Variants in TBC1D5 observed in about 807,000 individuals in gnomAD.
TBC1D5 encodes the protein TBC1 domain family, member 5.
A neutral mutation model predicts 100.3 loss-of-function variants in TBC1D5; 75 were observed. The ratio of observed to expected loss-of-function variants is 0.75; its 90% CI spans 0.62 to 0.91. The LOEUF (loss-of-function observed/expected upper bound fraction) is 0.91, where lower values mean the gene tolerates loss of function less well. Ranked by LOEUF, TBC1D5 falls within the 40% of genes least tolerant of loss-of-function variation. The pLI is 0.00. For missense variants in TBC1D5, 910 were observed against 942.4 expected, an observed-to-expected ratio of 0.97 and a Z score of 0.45; for synonymous variants, 323 against 325.6, an observed-to-expected ratio of 0.99 and a Z score of 0.09.
intron 17 of TBC1D5, among the ~76,000 whole-genome samples, chr3:17,228,591 G>A (rs959478180): frequency 5.9e-5 from 9 of 152,050 alleles, no homozygotes; most frequent in African/African-American, 1.9e-4. Flanking sequence ...CATCATATAT[G>A]CATCACATAA....
chr3:17,192,358 A>C (rs2070048814), intron 18 of TBC1D5, among the ~76,000 whole-genome samples: 1 of 151,798 alleles, frequency 6.6e-6, no homozygotes, highest in South Asian at 2.1e-4. Flanking sequence ...CTATGAAATA[A>C]ATTGTAAAAA....
intron 4 of TBC1D5, among the ~76,000 whole-genome samples, chr3:17,414,069 A>T (rs1211329269): frequency 6.6e-6 from 1 of 152,192 alleles, no homozygotes; most frequent in Non-Finnish European, 1.5e-5. Context: ...AGTGATAGGG[A>T]AGTGCAGCAG....
chr3:17,304,358 C>T (rs191754879), intron 14 of TBC1D5, among the ~76,000 whole-genome samples: 43 of 152,240 alleles, frequency 2.8e-4, no homozygotes, highest in African/African-American at 1.0e-3. Context: ...GAAGAACAGA[C>T]AATAAACAAG....
At chr3:17,436,313 A>G (rs1328251257) in intron 3 of TBC1D5, among the ~76,000 whole-genome samples, 1 of 152,184 alleles carries the variant, frequency 6.6e-6, no homozygotes, top group East Asian at 1.9e-4. Flanking sequence ...ATGTATGTAA[A>G]GTGCTTATAG....
chr3:17,456,890 A>G (rs1257719880), intron 3 of TBC1D5, among the ~76,000 whole-genome samples: 1 of 152,248 alleles, frequency 6.6e-6, no homozygotes, highest in Non-Finnish European at 1.5e-5. Context: ...AGACAGGCAC[A>G]GTCATAAATG....
intron 2 of TBC1D5, among the ~76,000 whole-genome samples, chr3:17,544,435 G>A (rs1370504953): frequency 2.0e-5 from 3 of 152,270 alleles, no homozygotes; most frequent in Non-Finnish European, 2.9e-5. Context: ...GGCAGATCAC[G>A]AGGTCAGGGG....
At chr3:17,311,787 A>C (rs1309621928) in intron 13 of TBC1D5, among the ~76,000 whole-genome samples, 4 of 152,104 alleles carry the variant, frequency 2.6e-5, no homozygotes, top group Admixed American at 2.0e-4. Context: ...CATTCAATTT[A>C]ACACACATTA....
At chr3:17,568,804 T>A (rs984791345) in intron 2 of TBC1D5, among the ~76,000 whole-genome samples, 2 of 151,748 alleles carry the variant, frequency 1.3e-5, no homozygotes, top group African/African-American at 4.8e-5. Context: ...TCTTTCGATC[T>A]TAAAATTGCC....
upstream of TBC1D5, among the ~76,000 whole-genome samples, chr3:17,742,135 C>A (rs1317488922): frequency 1.3e-5 from 2 of 152,324 alleles, no homozygotes; most frequent in Admixed American, 6.5e-5. Context: ...GGAAAGCAGG[C>A]AGACTGCAAG....
chr3:17,656,803 T>G (rs951923765), intron 1 of TBC1D5, among the ~76,000 whole-genome samples: 3 of 148,760 alleles, frequency 2.0e-5, no homozygotes, highest in African/African-American at 7.4e-5. Context: ...ACTAGATATT[T>G]TATTTATCAT....
intron 15 of TBC1D5, among the ~76,000 whole-genome samples, chr3:17,278,354 C>T (rs1193213227): frequency 2.0e-5 from 3 of 152,116 alleles, no homozygotes; most frequent in African/African-American, 7.2e-5. Flanking sequence ...TATTCCTTTG[C>T]TCTAAAAAAT....
At chr3:17,532,072 T>C (rs146799605) in intron 2 of TBC1D5, among the ~76,000 whole-genome samples, 8,903 of 152,232 alleles carry the variant, frequency 0.058, 626 homozygotes, top group East Asian at 0.32. Context: ...GAGAACGTTT[T>C]TGCAATCTAC....
At chr3:17,563,849 C>A (rs1012245410) in intron 2 of TBC1D5, among the ~76,000 whole-genome samples, 2 of 152,170 alleles carry the variant, frequency 1.3e-5, no homozygotes, top group Non-Finnish European at 2.9e-5. Flanking sequence ...GTGGCTTGAT[C>A]TCAGCTCTCT....
At chr3:17,577,183 A>C (rs903394742) in intron 2 of TBC1D5, among the ~76,000 whole-genome samples, 1 of 152,018 alleles carries the variant, frequency 6.6e-6, no homozygotes. Flanking sequence ...CAGTCTTTAA[A>C]GTCTGCATAT....
At chr3:17,372,745 T>C (rs2152056915) in intron 12 of TBC1D5, among the ~76,000 whole-genome samples, 1 of 152,336 alleles carries the variant, frequency 6.6e-6, no homozygotes, top group African/African-American at 2.4e-5. Flanking sequence ...CATATAAGTC[T>C]ATGACTTCAT....
intron 1 of TBC1D5, among the ~76,000 whole-genome samples, chr3:17,722,549 T>C (rs921622342): frequency 6.6e-6 from 1 of 152,238 alleles, no homozygotes; most frequent in African/African-American, 2.4e-5. Context: ...ATTTCAGATT[T>C]CAATTTTTCA....
At chr3:17,438,220 A>C (rs2094572584) in intron 3 of TBC1D5, among the ~76,000 whole-genome samples, 1 of 152,212 alleles carries the variant, frequency 6.6e-6, no homozygotes, top group Non-Finnish European at 1.5e-5. Context: ...ATAAACAACA[A>C]AGCAGACTTT....
intron 2 of TBC1D5, among the ~76,000 whole-genome samples, chr3:17,559,082 TTAAATAAA>T (rs10575585): frequency 0.036 from 5,381 of 149,838 alleles, 288 homozygotes; most frequent in African/African-American, 0.12. Flanking sequence ...TCTCTTTCTC[TTAAATAAA>T]TAAATAAATA....
intron 1 of TBC1D5, among the ~76,000 whole-genome samples, chr3:17,691,826 C>CAAA (rs1273079675): frequency 1.7e-5 from 1 of 58,564 alleles, no homozygotes. Flanking sequence ...TCCGTCTCAA[C>CAAA]AAAAAAAAAA....
Sources: gnomAD v4.1 joint callset for allele counts (sites outside exome capture counted in the v4.1 genomes callset) on GRCh38, gnomAD v4.1.1 for gene constraint, MANE v1.5 for transcripts, NCBI Gene and HGNC (gene_info 2026-07-23, HGNC 2026-07-21) for gene names.